The following GTF2IRD2B variants were observed in gnomAD, a reference collection of about 807,000 sequenced individuals.
GTF2IRD2B encodes the protein GTF2I repeat domain containing 2B, also known as general transcription factor II-I repeat domain-containing protein 2B.
A neutral mutation model predicts 55.6 loss-of-function variants in GTF2IRD2B; 10 were observed. That is an observed-to-expected ratio of 0.18 (90% CI 0.11 to 0.31). The LOEUF (loss-of-function observed/expected upper bound fraction) is 0.31. Ranked by LOEUF, GTF2IRD2B falls within the 10% of genes least tolerant of loss-of-function variation. GTF2IRD2B has a pLI of 1.00. For synonymous variants in GTF2IRD2B, 107 were observed against 320.5 expected, an observed-to-expected ratio of 0.33 and a Z score of 7.12; for missense variants, 206 against 802.7, an observed-to-expected ratio of 0.26 and a Z score of 8.98.
chr7:75,115,444 G>T, intron 3 of GTF2IRD2B, among the ~76,000 whole-genome samples: 2 of 145,048 alleles, frequency 1.4e-5, no homozygotes, highest in Non-Finnish European at 1.5e-5. Context: ...TTTTTTTTGA[G>T]ACAGAATCTC....
intron 8 of GTF2IRD2B, among the ~76,000 whole-genome samples, chr7:75,132,716 C>T (rs1274954412): frequency 6.9e-6 from 1 of 144,412 alleles, no homozygotes; most frequent in African/African-American, 2.8e-5. Flanking sequence ...CCACTCCCAG[C>T]TAATTTTTGT....
intron 8 of GTF2IRD2B, among the ~76,000 whole-genome samples, chr7:75,127,565 A>T (rs1485009726): frequency 6.7e-6 from 1 of 149,078 alleles, no homozygotes; most frequent in East Asian, 1.9e-4. Flanking sequence ...AAATACACAT[A>T]CTTTTGGACA....
chr7:75,117,163 A>G (rs1264508116), intron 3 of GTF2IRD2B, among the ~76,000 whole-genome samples: 2 of 150,694 alleles, frequency 1.3e-5, no homozygotes, highest in Admixed American at 1.3e-4. Flanking sequence ...TCAATGTGGT[A>G]TGTTACATTG....
chr7:75,105,594 T>C (rs1458008760), intron 1 of GTF2IRD2B, among the ~76,000 whole-genome samples: 3 of 152,308 alleles, frequency 2.0e-5, no homozygotes, highest in African/African-American at 7.2e-5. Context: ...TAGAGATTTA[T>C]AAAAATTTTT....
intron 3 of GTF2IRD2B, among the ~76,000 whole-genome samples, chr7:75,115,434 T>TTTTTTG (rs1554451203): frequency 7.0e-6 from 1 of 143,368 alleles, no homozygotes; most frequent in Non-Finnish European, 1.5e-5. Flanking sequence ...TTTTATTTTT[T>TTTTTTG]TTTTTTTGAG....
chr7:75,105,128 C>T (rs1437168329), intron 1 of GTF2IRD2B, among the ~76,000 whole-genome samples: 3 of 152,266 alleles, frequency 2.0e-5, no homozygotes, highest in South Asian at 2.1e-4. Flanking sequence ...CCCAGAAGGT[C>T]GAGGCTACAC....
intron 8 of GTF2IRD2B, among the ~76,000 whole-genome samples, chr7:75,130,513 T>C (rs1808640104): frequency 2.0e-5 from 3 of 151,242 alleles, no homozygotes; most frequent in African/African-American, 7.4e-5. Flanking sequence ...AGAGTCTCGC[T>C]GTCGCCCAGA....
intron 1 of GTF2IRD2B, among the ~76,000 whole-genome samples, chr7:75,105,423 G>A (rs1404251519): frequency 1.8e-4 from 28 of 152,402 alleles, no homozygotes; most frequent in South Asian, 6.2e-4. Flanking sequence ...AGAATCGCTC[G>A]AACCCAGGAG....
chr7:75,146,963 A>AAAAG (rs587741676), intron 15 of GTF2IRD2B: 2,065 of 156,662 alleles, frequency 0.013, 28 homozygotes, highest in Non-Finnish European at 0.016. Flanking sequence ...AGAAAAAAAG[A>AAAAG]AAAGAAAGAA....
chr7:75,115,506 C>A (rs1188326952), intron 3 of GTF2IRD2B, among the ~76,000 whole-genome samples: 1 of 145,552 alleles, frequency 6.9e-6, no homozygotes, highest in Non-Finnish European at 1.5e-5. Context: ...TGACCACAAC[C>A]TCTGCCTCCT....
chr7:75,132,519 T>C (rs1389676823), intron 8 of GTF2IRD2B, among the ~76,000 whole-genome samples: 1 of 146,858 alleles, frequency 6.8e-6, no homozygotes, highest in Non-Finnish European at 1.5e-5. Flanking sequence ...GCCTTCACGA[T>C]GCCTTCCTTC....
chr7:75,112,664 T>A lies in GTF2IRD2B; in HGVS notation c.238+129T>A. ...ACGATCCTAACACATCTTCTTGGAT[T>A]CAGCTTACCAAATAAATACTGCCTA... On this transcript the variant is annotated intron_variant, in intron 3 of 15. Transcript: ENST00000472837. The A allele has an allele frequency of 3.1e-6, 5 of 1,588,670 alleles. No individual in the cohort carries two copies. The Admixed American group carries it at 8.6e-5, about 27-fold the overall frequency.
chr7:75,124,011 CT>C (rs1367795716), intron 6 of GTF2IRD2B: 299 of 157,772 alleles, frequency 1.9e-3, no homozygotes, highest in South Asian at 6.4e-3. Context: ...ATCCCCCCCC[CT>C]TTTTTTTTTA....
At chr7:75,122,359 G>A (rs1808406632) in intron 4 of GTF2IRD2B, among the ~76,000 whole-genome samples, 1 of 130,202 alleles carries the variant, frequency 7.7e-6, no homozygotes, top group Non-Finnish European at 1.5e-5. Context: ...TACTTGGGAG[G>A]CTAAGGTGGG....
chr7:75,126,903 A>G (rs1432939845), intron 8 of GTF2IRD2B, among the ~76,000 whole-genome samples: 3 of 150,524 alleles, frequency 2.0e-5, no homozygotes, highest in Non-Finnish European at 4.4e-5. Flanking sequence ...AGGCTGAGGC[A>G]TAAGAATTGC....
chr7:75,118,879 T>C (rs1554451630), intron 3 of GTF2IRD2B, among the ~76,000 whole-genome samples: 1 of 146,146 alleles, frequency 6.8e-6, no homozygotes. Context: ...ACGTACACTA[T>C]GGGATACTAT....
chr7:75,106,921 T>A (rs1160566165), intron 1 of GTF2IRD2B, among the ~76,000 whole-genome samples: 1 of 145,036 alleles, frequency 6.9e-6, no homozygotes, highest in African/African-American at 2.5e-5. Context: ...TGAGATCCTG[T>A]CTCTAAAAAC....
Position 75,149,461 on chromosome 7 carries a change from A to C in GTF2IRD2B, c.*164A>C. ...AGTGGCGTGATCTCGGCTTACTGCA[A>C]CTTCCAGCTCCTGGGTTCGAACGAT... On this transcript the variant is annotated 3_prime_UTR_variant, in exon 16 of 16. Coordinates refer to ENST00000472837, the MANE Select transcript of GTF2IRD2B (RefSeq NM_001003795.3). The C allele has an allele frequency of 1.7e-6, 1 of 596,940 alleles. No homozygotes were observed. Among genetic ancestry groups the C allele is most frequent in the Non-Finnish European group, 3.0e-6 (1 of 333,192 alleles). 37.0% of individuals were successfully genotyped at this position (596,940 alleles called of 1,614,324 possible).
chr7:75,130,146 T>TTTCTTTCTTTCTTTCTTTCC (rs1563097581), intron 8 of GTF2IRD2B, among the ~76,000 whole-genome samples: 1 of 99,842 alleles, frequency 1.0e-5, no homozygotes. Flanking sequence ...TCTTTCTTTC[T>TTTCTTTCTTTCTTTCTTTCC]TTCCTTCTTT....
Sources: gnomAD v4.1 joint callset for allele counts (sites outside exome capture counted in the v4.1 genomes callset) on GRCh38, gnomAD v4.1.1 for gene constraint, MANE v1.5 for transcripts, NCBI Gene and HGNC (gene_info 2026-07-23, HGNC 2026-07-21) for gene names.